The following FGD3 variants were observed in gnomAD, a reference collection of about 807,000 sequenced individuals.
FGD3 encodes FYVE, RhoGEF and PH domain-containing protein 3.
Under a neutral mutation model 71.8 loss-of-function variants are expected in FGD3, and 45 were observed. The ratio of observed to expected loss-of-function variants is 0.63; its 90% CI spans 0.49 to 0.80. The LOEUF (loss-of-function observed/expected upper bound fraction) is 0.80. Ranked by LOEUF, FGD3 falls within the 30% of genes least tolerant of loss-of-function variation. The pLI is 0.00. For synonymous variants in FGD3, 378 were observed against 392.8 expected (o/e 0.96, Z 0.44); for missense variants, 844 against 951.5 (o/e 0.89, Z 1.49).
intron 14 of FGD3, among the ~76,000 whole-genome samples, chr9:93,024,538 C>T (rs151259971): frequency 1.8e-4 from 28 of 152,378 alleles, no homozygotes; most frequent in Admixed American, 6.5e-4. Flanking sequence ...ACAGTCCTGC[C>T]GCAGAGGCAT....
rs1327963456 is a variant in FGD3, at chr9:92,947,621, C to T, written c.-326C>T. On this transcript the variant is annotated 5_prime_UTR_variant, in exon 1 of 18. Coordinates refer to ENST00000375482, the MANE Select transcript of FGD3 (RefSeq NM_001083536.2). ...CCCACTGTGAGCGACCTCCCCGGGGCTCCTCTGGAAGCGGCTCCGGCAAGT... is the reference window on the plus strand; with the variant it reads ...CCCACTGTGAGCGACCTCCCCGGGGTTCCTCTGGAAGCGGCTCCGGCAAGT... The T allele has an allele frequency of 6.6e-6, 1 of 152,346 alleles. No homozygotes were observed. The highest frequency in any genetic ancestry group is 1.5e-5 in the Non-Finnish European group (1 of 68,140). The allele number at this position is 152,346 out of a possible 1,614,324, so 9.4% of individuals were successfully genotyped here.
intron 3 of FGD3, among the ~76,000 whole-genome samples, chr9:92,984,829 G>A (rs1860132362): frequency 6.7e-6 from 1 of 150,110 alleles, no homozygotes; most frequent in African/African-American, 2.5e-5. Flanking sequence ...TTTTTTTGGA[G>A]GGAGGGAGTG....
intron 16 of FGD3, chr9:93,033,512 CCTCT>C (rs1443236465): frequency 6.2e-6 from 1 of 160,990 alleles, no homozygotes; most frequent in African/African-American, 2.4e-5. Flanking sequence ...CCCTTCTCCT[CCTCT>C]CTTTCTCTTC....
rs577272672 is a variant in FGD3, at chr9:92,966,787, G to A, written c.-217-8451G>A. On this transcript the variant is annotated intron_variant, in intron 1 of 17. Transcript: ENST00000375482. ...CTGGACACCCCCAGCTGGGCAGGGAGGTTGACAAGGAGGCTGGCCTGGTAC... is the reference window on the plus strand; with the variant it reads ...CTGGACACCCCCAGCTGGGCAGGGAAGTTGACAAGGAGGCTGGCCTGGTAC... Among the ~76,000 whole-genome samples, 4 of 152,392 alleles carry A rather than the reference G, an allele frequency of 2.6e-5. No individual in the cohort carries two copies. The East Asian group carries it at 7.7e-4, about 29-fold the overall frequency.
intron 3 of FGD3, among the ~76,000 whole-genome samples, chr9:92,991,267 A>C (rs1860398720): frequency 6.6e-6 from 1 of 152,002 alleles, no homozygotes; most frequent in Non-Finnish European, 1.5e-5. Flanking sequence ...TTTTGTAGAG[A>C]TGGGTTTCAC....
At chr9:92,989,635 A>G (rs12380789) in intron 3 of FGD3, among the ~76,000 whole-genome samples, 5,517 of 152,278 alleles carry the variant, frequency 0.036, 121 homozygotes, top group Middle Eastern at 0.078. Flanking sequence ...TGGAGGGGAG[A>G]AAGGGAAGGT....
chr9:92,987,072 G>A (rs1176669925), intron 3 of FGD3, among the ~76,000 whole-genome samples: 1 of 152,208 alleles, frequency 6.6e-6, no homozygotes, highest in Non-Finnish European at 1.5e-5. Flanking sequence ...AGCCATTTCA[G>A]AACACACACA....
intron 10 of FGD3, among the ~76,000 whole-genome samples, chr9:93,017,431 T>C (rs1861743304): frequency 1.3e-5 from 2 of 152,302 alleles, no homozygotes; most frequent in East Asian, 1.9e-4. Context: ...GCAAATATTT[T>C]TGGAGCACCC....
intron 16 of FGD3, chr9:93,033,527 C>A (rs1862459039): frequency 6.3e-6 from 1 of 159,896 alleles, no homozygotes; most frequent in South Asian, 1.7e-4. Flanking sequence ...CTTTCTCTTC[C>A]TCTTTTCCTC....
intron 3 of FGD3, among the ~76,000 whole-genome samples, chr9:92,978,111 T>A (rs776735599): frequency 6.6e-6 from 1 of 151,950 alleles, no homozygotes; most frequent in Non-Finnish European, 1.5e-5. Flanking sequence ...GGAGAAAACC[T>A]GTCTCTACTA....
At chr9:93,018,753 G>A (rs12685906) in intron 11 of FGD3, among the ~76,000 whole-genome samples, 7,036 of 152,268 alleles carry the variant, frequency 0.046, 254 homozygotes, top group South Asian at 0.15. Context: ...GACTCGGGGC[G>A]GTTTTAGTAC....
At chr9:93,021,537 G>T (rs762903404) in intron 13 of FGD3, among the ~76,000 whole-genome samples, 36 of 152,236 alleles carry the variant, frequency 2.4e-4, no homozygotes, top group Non-Finnish European at 4.6e-4. Flanking sequence ...ACATATCCAG[G>T]GAGGCACCCA....
At chr9:93,010,981 A>C (rs1861328450) in intron 7 of FGD3, among the ~76,000 whole-genome samples, 1 of 152,052 alleles carries the variant, frequency 6.6e-6, no homozygotes, top group African/African-American at 2.4e-5. Context: ...GCGTCTGTGC[A>C]GAATCGTGGG....
chr9:92,998,597 A>G (rs1860737817), intron 3 of FGD3, among the ~76,000 whole-genome samples: 1 of 152,096 alleles, frequency 6.6e-6, no homozygotes, highest in Admixed American at 6.5e-5. Flanking sequence ...GTTTCTCCCC[A>G]TCTTTGTGGT....
chr9:92,963,636 A>T (rs1859216032), intron 1 of FGD3, among the ~76,000 whole-genome samples: 1 of 152,200 alleles, frequency 6.6e-6, no homozygotes, highest in Admixed American at 6.5e-5. Flanking sequence ...ATAAGCCTGG[A>T]TTAACAAGCA....
intron 7 of FGD3, among the ~76,000 whole-genome samples, chr9:93,010,755 G>GC (rs1365011223): frequency 6.6e-6 from 1 of 151,858 alleles, no homozygotes. Flanking sequence ...GAACAAGTGA[G>GC]CCCCCTAGCA....
At chr9:93,031,878 G>T (rs1421742809) in intron 15 of FGD3, among the ~76,000 whole-genome samples, 2 of 152,150 alleles carry the variant, frequency 1.3e-5, no homozygotes, top group Non-Finnish European at 2.9e-5. Context: ...GGATCCAGCA[G>T]AGGGAGGGAG....
At chr9:92,988,366 C>A (rs1181745616) in intron 3 of FGD3, among the ~76,000 whole-genome samples, 1 of 152,220 alleles carries the variant, frequency 6.6e-6, no homozygotes, top group Non-Finnish European at 1.5e-5. Context: ...TGCACAGGTT[C>A]CCTTACCTAC....
chr9:92,996,099 T>C (rs1368961450), intron 3 of FGD3, among the ~76,000 whole-genome samples: 2 of 152,206 alleles, frequency 1.3e-5, no homozygotes, highest in East Asian at 3.8e-4. Flanking sequence ...TGTGAATCCT[T>C]CTGGTCCTGG....
Sources: allele counts gnomAD v4.1 joint callset (sites outside exome capture counted in the v4.1 genomes callset), GRCh38; gene constraint gnomAD v4.1.1; transcripts MANE v1.5; gene names NCBI Gene and HGNC (gene_info 2026-07-23, HGNC 2026-07-21).